Variants in LIPC observed in about 807,000 individuals in gnomAD.
LIPC encodes the protein lipase C, hepatic type, also known as hepatic triacylglycerol lipase.
LIPC carries 44 observed loss-of-function variants against 50.7 expected under a neutral mutation model. The ratio of observed to expected loss-of-function variants is 0.87; its 90% confidence interval spans 0.68 to 1.11. The LOEUF is 1.11. Among genes scored for constraint, LIPC ranks in the 50% most tolerant of loss-of-function variants. The pLI, the probability that LIPC is intolerant of heterozygous loss-of-function variation, is 0.00. For synonymous variants in LIPC, 271 were observed against 256.4 expected (o/e 1.06, Z -0.54); for missense variants, 697 against 648.2 (o/e 1.08, Z -0.82).
At chr15:58,484,695 C>A (rs1486113170) in intron 1 of LIPC, among the ~76,000 whole-genome samples, 26 of 93,128 alleles carry the variant, frequency 2.8e-4, no homozygotes, top group African/African-American at 1.0e-3. Flanking sequence ...CACACTCTGA[C>A]TCCAGGGCCC....
intron 1 of LIPC, among the ~76,000 whole-genome samples, chr15:58,517,040 C>T (rs1173503958): frequency 6.6e-6 from 1 of 152,188 alleles, no homozygotes; most frequent in Non-Finnish European, 1.5e-5. Flanking sequence ...TAGATGGGAC[C>T]AGAACAGCCT....
chr15:58,548,678 G>A, intron 6 of LIPC, 106 bp downstream of exon 6: 3 of 1,442,616 alleles, frequency 2.1e-6, no homozygotes, highest in Non-Finnish European at 2.8e-6. Context: ...CAGCTCTGCT[G>A]TTGCGGTGTT....
chr15:58,460,915 G>C (rs1346973274), intron 1 of LIPC, among the ~76,000 whole-genome samples: 1 of 152,194 alleles, frequency 6.6e-6, no homozygotes, highest in African/African-American at 2.4e-5. Context: ...GTGCTTCTCT[G>C]AGAGAAAGTA....
intron 8 of LIPC, chr15:58,566,456 C>G (rs1306736089): frequency 2.0e-6 from 2 of 984,770 alleles, no homozygotes; most frequent in Non-Finnish European, 2.4e-6. Flanking sequence ...TCATAATATA[C>G]ATTTCATGAG....
chr15:58,519,015 C>G (rs4775069), intron 1 of LIPC, among the ~76,000 whole-genome samples: 149,584 of 152,218 alleles, frequency 0.98, 73,552 homozygotes, highest in East Asian at 1. Flanking sequence ...TCATCCCTGA[C>G]GATGACTCTG....
intron 1 of LIPC, among the ~76,000 whole-genome samples, chr15:58,488,673 C>T (rs1315221780): frequency 1.3e-5 from 2 of 152,218 alleles, no homozygotes; most frequent in Non-Finnish European, 2.9e-5. Context: ...GGGCCCAAGT[C>T]TTGAGAGGGA....
chr15:58,553,840 C>G (rs1893840221), intron 6 of LIPC, among the ~76,000 whole-genome samples: 1 of 152,122 alleles, frequency 6.6e-6, no homozygotes, highest in African/African-American at 2.4e-5. Flanking sequence ...GCAGCAACAC[C>G]CTGGACAACA....
At chr15:58,534,649 G>A (rs41292502) in intron 1 of LIPC, among the ~76,000 whole-genome samples, 1 of 152,084 alleles carries the variant, frequency 6.6e-6, no homozygotes, top group Non-Finnish European at 1.5e-5. Context: ...ACCATCTTGG[G>A]TTTCAGGACC....
chr15:58,535,483 A>G lies in LIPC; in HGVS notation c.89-2850A>G, dbSNP rs569329665. Among the ~76,000 whole-genome samples the G allele has an allele frequency of 2.0e-5, 3 of 152,328 alleles. No individual in the cohort carries two copies. The South Asian group carries it at 6.2e-4, about 32-fold the overall frequency. On this transcript the variant is annotated intron_variant, in intron 1 of 8. Transcript: ENST00000299022. ...AGTTGTTTGTGGGGCTTTCCATCTG[A>G]CAACTGTTTTCCATGGTCTCTCCTG...
Position 58,469,102 on chromosome 15 carries a change from T to TGTGTGTG in LIPC, c.88+36982_88+36983insGTGTGTG, listed in dbSNP as rs1894682861. 1.1e-4 allele frequency among the ~76,000 whole-genome samples: 16 copies of TGTGTGTG among 140,718 alleles called. No homozygotes were observed. The East Asian group carries it at 3.4e-3, about 30-fold the overall frequency. 92.3% of individuals were successfully genotyped at this position (140,718 alleles called of 152,430 possible). A position where few individuals can be genotyped will look rare whatever the true frequency, so the allele number is the denominator to read the frequency against. ...AACTTAAACGGCTTCAGGGAACATT[T>TGTGTGTG]TGTGTGTGTGTGTGTGTGTGTGTGT... On this transcript the variant is annotated intron_variant, in intron 1 of 8. Coordinates refer to ENST00000299022, the MANE Select transcript of LIPC (RefSeq NM_000236.3).
intron 4 of LIPC, among the ~76,000 whole-genome samples, chr15:58,543,743 T>G (rs1028769151): frequency 1.3e-5 from 2 of 152,124 alleles, no homozygotes; most frequent in African/African-American, 4.8e-5. Context: ...TTCAAGCGAT[T>G]CTCCTGCCTT....
At chr15:58,546,057 G>A (rs918432355) in intron 5 of LIPC, 82 bp downstream of exon 5, 11 of 1,174,946 alleles carry the variant, frequency 9.4e-6, no homozygotes, top group East Asian at 7.1e-5. Context: ...ACCAACATAC[G>A]GGACTCAGGG....
intron 1 of LIPC, among the ~76,000 whole-genome samples, chr15:58,511,854 G>T (rs990807307): frequency 6.6e-6 from 1 of 152,142 alleles, no homozygotes; most frequent in Non-Finnish European, 1.5e-5. Context: ...CACACGTTAG[G>T]ATTCTCTCTT....
chr15:58,441,910 A>G (rs1893520406), intron 1 of LIPC, among the ~76,000 whole-genome samples: 1 of 152,110 alleles, frequency 6.6e-6, no homozygotes, highest in Non-Finnish European at 1.5e-5. Flanking sequence ...ATGCAAACAC[A>G]GATGTGGAGG....
intron 1 of LIPC, among the ~76,000 whole-genome samples, chr15:58,534,817 C>T (rs1893062117): frequency 6.6e-6 from 1 of 152,114 alleles, no homozygotes; most frequent in African/African-American, 2.4e-5. Context: ...TATTGACATT[C>T]CTATCTTTAT....
chr15:58,542,588 GCA>G lies in LIPC; in HGVS notation c.515_516del (p.His172ArgfsTer29). The G allele has an allele frequency of 6.2e-7, 1 of 1,613,888 alleles. No homozygotes were observed. The highest frequency in any genetic ancestry group is 8.5e-7 in the Non-Finnish European group (1 of 1,179,832). ...HVHLIGYSLG[A>X]HVSGFAGSSI... ...TCACCTAATTGGGTACAGCCTGGGT[GCA>G]CACGTGTCAGGATTTGCCGGCAGTT... On this transcript the variant is annotated frameshift_variant, in exon 4 of 9. Coordinates refer to ENST00000299022, the MANE Select transcript of LIPC (RefSeq NM_000236.3). LOFTEE classifies it high-confidence loss of function.
intron 1 of LIPC, among the ~76,000 whole-genome samples, chr15:58,459,560 C>T (rs1221369809): frequency 3.3e-5 from 5 of 152,128 alleles, no homozygotes; most frequent in Non-Finnish European, 7.4e-5. Flanking sequence ...AAAAAATAAA[C>T]GAGAGAGAGT....
rs781573274 is a variant in LIPC at position 58,541,934 on chromosome 15, C to T, written c.423C>T (p.Gly141=). Residue 141 remains glycine, a synonymous_variant, in exon 3 of 9, where the codon GGC becomes GGT. Coordinates refer to ENST00000299022, the MANE Select transcript of LIPC (RefSeq NM_000236.3). ...TIAVRNTRLV[G]KEVAALLRWL... ...CCGTCCGCAACACCCGCCTTGTGGGCAAGGAGGTCGCGGCTCTTCTCCGGT... is the reference window on the plus strand; with the variant it reads ...CCGTCCGCAACACCCGCCTTGTGGGTAAGGAGGTCGCGGCTCTTCTCCGGT... The T allele has an allele frequency of 1.2e-6, 2 of 1,611,520 alleles. No individual in the cohort carries two copies. Among genetic ancestry groups the T allele is most frequent in the South Asian group, 2.2e-5 (2 of 90,802 alleles).
intron 1 of LIPC, among the ~76,000 whole-genome samples, chr15:58,525,450 C>T (rs1363667925): frequency 6.6e-6 from 1 of 152,258 alleles, no homozygotes; most frequent in Non-Finnish European, 1.5e-5. Flanking sequence ...GTCACTGGGG[C>T]TCTCCTTGCT....
Sources: allele counts gnomAD v4.1 joint callset (sites outside exome capture counted in the v4.1 genomes callset), GRCh38; gene constraint gnomAD v4.1.1; transcripts MANE v1.5; gene names NCBI Gene and HGNC (gene_info 2026-07-23, HGNC 2026-07-21).